The following SIGLEC9 variants were observed in gnomAD, a reference collection of about 807,000 sequenced individuals.
SIGLEC9 encodes the protein sialic acid-binding Ig-like lectin 9.
Under a neutral mutation model 38.3 loss-of-function variants are expected in SIGLEC9, and 26 were observed. That is an observed-to-expected ratio of 0.68 (90% CI 0.50 to 0.94). SIGLEC9 has a LOEUF of 0.94. Among genes scored for constraint, SIGLEC9 ranks in the 40% least tolerant of loss-of-function variants. SIGLEC9 has a pLI of 0.00. For missense variants in SIGLEC9, 556 were observed against 585.7 expected, an observed-to-expected ratio of 0.95 and a Z score of 0.52; for synonymous variants, 236 against 248.0, an observed-to-expected ratio of 0.95 and a Z score of 0.45.
At chr19:51,126,620 G>A (rs1004657838) in intron 3 of SIGLEC9, among the ~76,000 whole-genome samples, 2 of 152,160 alleles carry the variant, frequency 1.3e-5, no homozygotes, top group African/African-American at 4.8e-5. Flanking sequence ...TTTGACGTCC[G>A]TAGTGAGACT....
chr19:51,128,156 A>C, intron 5 of SIGLEC9, 117 bp downstream of exon 5: 1 of 880,356 alleles, frequency 1.1e-6, no homozygotes, highest in South Asian at 1.5e-5. Flanking sequence ...TTGGGGCAAG[A>C]AGGAGGTCAC....
At chr19:51,130,325 G>A (rs377118771), downstream of SIGLEC9, 4 of 579,716 alleles carry the variant, frequency 6.9e-6, no homozygotes, top group Non-Finnish European at 7.5e-6. Context: ...TCTGTACCTT[G>A]GTTTCCTGCT....
Position 51,130,212 on chromosome 19 carries a change from G to A in SIGLEC9, c.*133G>A, listed in dbSNP as rs756828526. On this transcript the variant is annotated 3_prime_UTR_variant, in exon 7 of 7. Coordinates refer to ENST00000250360, the MANE Select transcript of SIGLEC9 (RefSeq NM_014441.3). Reference sequence around the variant, plus strand: ...GATAACACTATGAATTATGTGCAGAGTGAAAAGCACACAGGCTTTAGAGTC... The same window carrying A: ...GATAACACTATGAATTATGTGCAGAATGAAAAGCACACAGGCTTTAGAGTC... The A allele has an allele frequency of 1.7e-5, 24 of 1,390,798 alleles. No individual in the cohort carries two copies. The highest frequency in any genetic ancestry group is 2.1e-5 in the Non-Finnish European group (23 of 1,073,250). 86.2% of individuals were successfully genotyped at this position (1,390,798 alleles called of 1,614,324 possible).
In SIGLEC9 at chr19:51,125,834, C is replaced by G; in HGVS notation, c.659C>G (p.Ala220Gly). Residue 220 changes from alanine to glycine, a missense_variant, in exon 2 of 7, where the codon GCC becomes GGC. Physicochemically the swap from Ala to Gly is moderately conservative, Grantham distance 60 (BLOSUM62 0). Transcript: ENST00000250360. ...ACCTGTCAGGTGACCTTCCCTGGGG[C>G]CAGCGTGACCACGAACAAGACCGTC... ...SLTCQVTFPG[A>G]SVTTNKTVHL... The G allele has an allele frequency of 6.2e-7, 1 of 1,614,174 alleles. No homozygotes were observed. Among genetic ancestry groups the G allele is most frequent in the African/African-American group, 1.3e-5 (1 of 75,036 alleles).
chr19:51,130,156 A>G lies in SIGLEC9; in HGVS notation c.*77A>G, dbSNP rs1332262566. 4 of 1,514,102 alleles carry G rather than the reference A, an allele frequency of 2.6e-6. No homozygotes were observed. Among genetic ancestry groups the G allele is most frequent in the Non-Finnish European group, 2.6e-6 (3 of 1,132,806 alleles). The allele number at this position is 1,514,102 out of a possible 1,614,324, so 93.8% of individuals were successfully genotyped here. A position where few individuals can be genotyped will look rare whatever the true frequency, so the allele number is the denominator to read the frequency against. On this transcript the variant is annotated 3_prime_UTR_variant, in exon 7 of 7. Transcript: ENST00000250360. ...GGAGAAGTCAGAGGCTGATTCTTGTAGAATTAACAGCCCTCAACGTGATGA... is the reference window on the plus strand; with the variant it reads ...GGAGAAGTCAGAGGCTGATTCTTGTGGAATTAACAGCCCTCAACGTGATGA...
At chr19:51,124,743 C>G (rs1399809495), upstream of SIGLEC9, among the ~76,000 whole-genome samples, 1 of 152,142 alleles carries the variant, frequency 6.6e-6, no homozygotes, top group Non-Finnish European at 1.5e-5. Context: ...GTCTCCCGCT[C>G]TGGCCTCAGG....
chr19:51,132,417 T>A (rs550629687), downstream of SIGLEC9, among the ~76,000 whole-genome samples: 39 of 152,130 alleles, frequency 2.6e-4, 4 homozygotes, highest in South Asian at 3.5e-3. Flanking sequence ...TGTTTGTGCA[T>A]GAGATTGAAA....
At chr19:51,121,346 C>G (rs1010931509), upstream of SIGLEC9, among the ~76,000 whole-genome samples, 8 of 151,350 alleles carry the variant, frequency 5.3e-5, no homozygotes, top group African/African-American at 1.9e-4. Context: ...CAGCTTTGAG[C>G]TCTGTCTTGA....
chr19:51,129,563 T>C (rs1415819085), intron 6 of SIGLEC9, among the ~76,000 whole-genome samples: 1 of 151,766 alleles, frequency 6.6e-6, no homozygotes, highest in Non-Finnish European at 1.5e-5. Context: ...TTGTTTTTGT[T>C]TTTTGAGATG....
chr19:51,130,030 G>C lies in SIGLEC9; in HGVS notation c.1343G>C (p.Gly448Ala). Residue 448 changes from glycine to alanine, a missense_variant, in exon 7 of 7, where the codon GGA (glycine) becomes GCA (alanine). Coordinates refer to ENST00000250360, the MANE Select transcript of SIGLEC9 (RefSeq NM_014441.3). ...FQMVKPWDSR[G>A]QEATDTEYSE... ...ATGGTGAAGCCTTGGGACTCGCGGGGACAGGAGGCCACTGACACCGAGTAC... is the reference window on the plus strand; with the variant it reads ...ATGGTGAAGCCTTGGGACTCGCGGGCACAGGAGGCCACTGACACCGAGTAC... The C allele has an allele frequency of 6.2e-7, 1 of 1,613,918 alleles. No individual in the cohort carries two copies. The highest frequency in any genetic ancestry group is 8.5e-7 in the Non-Finnish European group (1 of 1,179,912).
chr19:51,136,197 G>A (rs1366866342), exon 7 of SIGLEC9: 1 of 703,014 alleles, frequency 1.4e-6, no homozygotes, highest in Non-Finnish European at 2.6e-6. Flanking sequence ...TGTGTGGGCT[G>A]ATGTTCCTTT....
chr19:51,123,414 A>C (rs1015221756), upstream of SIGLEC9, among the ~76,000 whole-genome samples: 3 of 152,198 alleles, frequency 2.0e-5, no homozygotes, highest in African/African-American at 7.2e-5. Flanking sequence ...CAGAACTCAG[A>C]TGTGGACACC....
At chr19:51,123,222 C>A (rs1236628596), upstream of SIGLEC9, among the ~76,000 whole-genome samples, 2 of 152,196 alleles carry the variant, frequency 1.3e-5, no homozygotes, top group Non-Finnish European at 2.9e-5. Flanking sequence ...AGCAGGCCTG[C>A]TCTTTTCTAG....
chr19:51,129,452 A>C lies in SIGLEC9; in HGVS notation c.1204-439A>C, dbSNP rs140643678. 8.0e-3 allele frequency among the ~76,000 whole-genome samples: 1,210 copies of C among 151,438 alleles called. 6 individuals are homozygous for C. Among genetic ancestry groups the C allele is most frequent in the Non-Finnish European group, 0.013 (858 of 67,846 alleles). ...GGGATTACAGGCGTGAGCCACTGTGACCGGCCACATTCTGACCTTTTAAGC... is the reference window on the plus strand; with the variant it reads ...GGGATTACAGGCGTGAGCCACTGTGCCCGGCCACATTCTGACCTTTTAAGC... On this transcript the variant is annotated intron_variant, in intron 6 of 6. Coordinates refer to ENST00000250360, the MANE Select transcript of SIGLEC9 (RefSeq NM_014441.3).
Position 51,125,821 on chromosome 19 carries a change from A to G in SIGLEC9, c.646A>G (p.Thr216Ala). 1 of 1,614,046 alleles carries G rather than the reference A, an allele frequency of 6.2e-7. No individual in the cohort carries two copies. Among genetic ancestry groups the G allele is most frequent in the Non-Finnish European group, 8.5e-7 (1 of 1,179,976 alleles). ...DHGTSLTCQV[T>A]FPGASVTTNK... Reference sequence around the variant, plus strand: ...TGGCACCAGCCTCACCTGTCAGGTGACCTTCCCTGGGGCCAGCGTGACCAC... The same window carrying G: ...TGGCACCAGCCTCACCTGTCAGGTGGCCTTCCCTGGGGCCAGCGTGACCAC... The change falls in exon 2 of 7, where the codon ACC becomes GCC. Residue 216 changes from threonine to alanine, a missense_variant. Thr to Ala is a moderately conservative substitution (Grantham distance 58). Transcript: ENST00000250360.
At chr19:51,122,225 C>T (rs762648514), upstream of SIGLEC9, among the ~76,000 whole-genome samples, 1 of 152,170 alleles carries the variant, frequency 6.6e-6, no homozygotes, top group Non-Finnish European at 1.5e-5. The surrounding 1 kb of genome is among the most constrained non-coding windows in gnomAD (Gnocchi z 4.1). Flanking sequence ...CTTCCAATCT[C>T]AGTTCAGCCT....
At chr19:51,126,331 C>T (rs531187238) in intron 3 of SIGLEC9, among the ~76,000 whole-genome samples, 6 of 152,116 alleles carry the variant, frequency 3.9e-5, no homozygotes, top group East Asian at 3.9e-4. Context: ...CACACCCCCC[C>T]CTCAGCCTCA....
At chr19:51,127,811 C>T (rs1044602659) in intron 4 of SIGLEC9, 138 bp from the exon 5 acceptor site, 5 of 581,902 alleles carry the variant, frequency 8.6e-6, no homozygotes, top group African/African-American at 1.9e-5. Flanking sequence ...CTCTCCATGT[C>T]CTGCTCTCTC....
intron 4 of SIGLEC9, 52 bp from the exon 5 acceptor site, chr19:51,127,897 G>A: frequency 3.6e-6 from 4 of 1,112,708 alleles, no homozygotes; most frequent in Non-Finnish European, 5.5e-6. Flanking sequence ...GGGAGGAGAA[G>A]AGACCCAATT....
Sources: gnomAD v4.1 joint callset for allele counts (sites outside exome capture counted in the v4.1 genomes callset) on GRCh38, gnomAD v4.1.1 for gene constraint, Gnocchi (gnomAD v3.1) non-coding constraint, MANE v1.5 for transcripts, NCBI Gene and HGNC (gene_info 2026-07-23, HGNC 2026-07-21) for gene names.